The following TRHDE variants were observed in gnomAD, a reference collection of about 807,000 sequenced individuals.
TRHDE encodes the protein thyrotropin releasing hormone degrading enzyme, also known as thyrotropin-releasing hormone-degrading ectoenzyme.
A neutral mutation model predicts 125.7 loss-of-function variants in TRHDE; 72 were observed. That is an observed-to-expected ratio of 0.57 (90% CI 0.47 to 0.70). The LOEUF is 0.70. TRHDE is among the 30% of genes least tolerant of loss of function. TRHDE has a pLI of 0.00. For missense variants in TRHDE, 1,110 were observed against 1,327.1 expected, an observed-to-expected ratio of 0.84 and a Z score of 2.54; for synonymous variants, 509 against 509.1, an observed-to-expected ratio of 1.00 and a Z score of 0.00.
At chr12:72,192,019 T>C (rs1401330211) in intron 2 of TRHDE, among the ~76,000 whole-genome samples, 1 of 152,120 alleles carries the variant, frequency 6.6e-6, no homozygotes, top group Non-Finnish European at 1.5e-5. Context: ...AAACACAAGG[T>C]CTGTACTTTC....
chr12:72,478,409 T>C (rs1481875625), intron 5 of TRHDE, among the ~76,000 whole-genome samples: 1 of 152,210 alleles, frequency 6.6e-6, no homozygotes, highest in Non-Finnish European at 1.5e-5. Context: ...TTTTTAAGGC[T>C]ATTTTATTTT....
At chr12:72,088,369 T>C (rs534852508) in intron 1 of TRHDE, among the ~76,000 whole-genome samples, 133 of 152,152 alleles carry the variant, frequency 8.7e-4, no homozygotes, top group South Asian at 6.0e-3. Flanking sequence ...TCTGGGAGAA[T>C]GGTGAGTGAT....
chr12:72,476,316 C>T (rs1436978918), intron 5 of TRHDE, among the ~76,000 whole-genome samples: 1 of 152,168 alleles, frequency 6.6e-6, no homozygotes, highest in African/African-American at 2.4e-5. Context: ...CAAGTAGAAA[C>T]TCTATAAACA....
At chr12:72,627,335 A>T (rs1873300767) in intron 15 of TRHDE, among the ~76,000 whole-genome samples, 1 of 151,882 alleles carries the variant, frequency 6.6e-6, no homozygotes. Flanking sequence ...TTTAAGGATA[A>T]TCATCTTCCT....
chr12:72,399,799 C>T (rs890583274), intron 3 of TRHDE, among the ~76,000 whole-genome samples: 2 of 151,926 alleles, frequency 1.3e-5, no homozygotes, highest in Admixed American at 6.6e-5. Flanking sequence ...AAAAACTAGG[C>T]TACTTTTTAA....
chr12:72,589,588 A>G (rs1307453347), intron 12 of TRHDE, among the ~76,000 whole-genome samples: 1 of 152,154 alleles, frequency 6.6e-6, no homozygotes, highest in Non-Finnish European at 1.5e-5. Context: ...TTAATTGTGA[A>G]TTTAATTTTG....
chr12:72,253,903 G>A lies in TRHDE; in HGVS notation n.280-124092G>A, dbSNP rs903582699. 6.6e-5 allele frequency: 10 copies of A among 152,060 alleles called. No individual in the cohort carries two copies. The East Asian group carries it at 1.5e-3, about 24-fold the overall frequency. 9.4% of individuals were successfully genotyped at this position (152,060 alleles called of 1,614,324 possible). A position where few individuals can be genotyped will look rare whatever the true frequency, so the allele number is the denominator to read the frequency against. The stretch of plus-strand genomic sequence containing the variant: ...AGTCTTGGTGGAAAGCCAGGTGTCA[G>A]TCATGAAGTATTATAAATGAAATTC... On this transcript the variant is annotated intron_variant and non_coding_transcript_variant, in intron 2 of 4. Transcript: ENST00000548156.
intron 2 of TRHDE, among the ~76,000 whole-genome samples, chr12:72,192,219 TG>T (rs1373760741): frequency 6.6e-6 from 1 of 152,124 alleles, no homozygotes; most frequent in Non-Finnish European, 1.5e-5. Flanking sequence ...CTTCTGAAAC[TG>T]GGGACTCACT....
At chr12:72,234,424 T>C (rs1878303178) in intron 2 of TRHDE, among the ~76,000 whole-genome samples, 1 of 152,168 alleles carries the variant, frequency 6.6e-6, no homozygotes, top group Non-Finnish European at 1.5e-5. Context: ...GATGCACACA[T>C]TGTGACTTAG....
chr12:72,499,730 G>C (rs561370530), intron 6 of TRHDE, 95 bp downstream of exon 6: 1 of 1,391,866 alleles, frequency 7.2e-7, no homozygotes, highest in African/African-American at 1.4e-5. Flanking sequence ...TTTTTTCCGG[G>C]CAGATAGACA....
intron 2 of TRHDE, among the ~76,000 whole-genome samples, chr12:72,123,923 A>G (rs1431430198): frequency 1.3e-5 from 2 of 152,036 alleles, no homozygotes; most frequent in African/African-American, 4.8e-5. Context: ...TATATACTCT[A>G]TTTTTTGGTC....
chr12:72,373,948 G>T (rs1408608566), intron 2 of TRHDE, among the ~76,000 whole-genome samples: 1 of 152,142 alleles, frequency 6.6e-6, no homozygotes, highest in African/African-American at 2.4e-5. Context: ...AAAACCAGAA[G>T]AGTGCGTGAT....
At chr12:72,180,086 A>G (rs1432079783) in intron 2 of TRHDE, among the ~76,000 whole-genome samples, 1 of 151,966 alleles carries the variant, frequency 6.6e-6, no homozygotes, top group Non-Finnish European at 1.5e-5. Context: ...ATGCAGCTTA[A>G]TTAATACTTG....
At chr12:72,300,099 G>C (rs1325817561) in intron 2 of TRHDE, among the ~76,000 whole-genome samples, 1 of 152,058 alleles carries the variant, frequency 6.6e-6, no homozygotes, top group East Asian at 1.9e-4. Flanking sequence ...AGATTTTAAA[G>C]AATATTTTTA....
At chr12:72,217,138 T>TA (rs947645971) in intron 2 of TRHDE, among the ~76,000 whole-genome samples, 1 of 152,046 alleles carries the variant, frequency 6.6e-6, no homozygotes, top group Non-Finnish European at 1.5e-5. Context: ...CAAGAAATCT[T>TA]AAAAAAAGAA....
intron 10 of TRHDE, among the ~76,000 whole-genome samples, chr12:72,571,311 A>G (rs1045710345): frequency 6.6e-6 from 1 of 152,202 alleles, no homozygotes; most frequent in Non-Finnish European, 1.5e-5. Context: ...TATGTAAAAC[A>G]GTTCCATATT....
At chr12:72,603,573 A>G (rs1048983685) in intron 12 of TRHDE, among the ~76,000 whole-genome samples, 3 of 152,004 alleles carry the variant, frequency 2.0e-5, no homozygotes, top group Admixed American at 6.6e-5. Context: ...AAAATACAAA[A>G]AATTAGCCGG....
At chr12:72,475,031 G>A (rs1201304821) in intron 5 of TRHDE, among the ~76,000 whole-genome samples, 3 of 152,022 alleles carry the variant, frequency 2.0e-5, no homozygotes, top group Non-Finnish European at 4.4e-5. Context: ...ATTTATATAT[G>A]TATAACATAA....
At chr12:72,216,480 T>G (rs1027444488) in intron 2 of TRHDE, among the ~76,000 whole-genome samples, 6 of 152,154 alleles carry the variant, frequency 3.9e-5, no homozygotes, top group Non-Finnish European at 8.8e-5. Context: ...CAGCAGTGCC[T>G]TCATTAGGGG....
Sources: gnomAD v4.1 joint callset for allele counts (sites outside exome capture counted in the v4.1 genomes callset) on GRCh38, gnomAD v4.1.1 for gene constraint, MANE v1.5 for transcripts, NCBI Gene and HGNC (gene_info 2026-07-23, HGNC 2026-07-21) for gene names.